PKHD1: variants seen among roughly 807,000 people sequenced by gnomAD.
The protein encoded by PKHD1 is PKHD1 ciliary IPT domain containing fibrocystin/polyductin, also known as fibrocystin.
A neutral mutation model predicts 412.0 loss-of-function variants in PKHD1; 291 were observed. The ratio of observed to expected loss-of-function variants is 0.71; its 90% CI spans 0.64 to 0.78. The LOEUF (loss-of-function observed/expected upper bound fraction) is 0.78, where lower values mean the gene tolerates loss of function less well. Among genes scored for constraint, PKHD1 ranks in the 30% least tolerant of loss-of-function variants. The pLI is 0.00. For missense variants in PKHD1, 4,825 were observed against 4,950.7 expected, an observed-to-expected ratio of 0.97 and a Z score of 0.76; for synonymous variants, 1,777 against 1,821.5, an observed-to-expected ratio of 0.98 and a Z score of 0.62.
chr6:52,084,519 T>A (rs1812478606), intron 2 of PKHD1, among the ~76,000 whole-genome samples: 2 of 152,142 alleles, frequency 1.3e-5, no homozygotes, highest in South Asian at 2.1e-4. Context: ...AAGAATTACA[T>A]CACATAGCCC....
At chr6:51,804,359 TG>T (rs147210503) in intron 52 of PKHD1, among the ~76,000 whole-genome samples, 1,044 of 31,720 alleles carry the variant, frequency 0.033, 39 homozygotes, top group African/African-American at 0.056. Flanking sequence ...ACTAATTCAT[TG>T]GGGGGGGGGG....
At chr6:51,941,718 C>T (rs1165347823) in intron 36 of PKHD1, among the ~76,000 whole-genome samples, 1 of 151,626 alleles carries the variant, frequency 6.6e-6, no homozygotes, top group Non-Finnish European at 1.5e-5. Flanking sequence ...CTCCTATCCT[C>T]AATACCTCCC....
intron 60 of PKHD1, among the ~76,000 whole-genome samples, chr6:51,680,054 C>T (rs1046004422): frequency 3.3e-5 from 5 of 151,832 alleles, no homozygotes; most frequent in Non-Finnish European, 2.9e-5. Flanking sequence ...AATAATGCTA[C>T]GGTATCAAGC....
At chr6:51,955,765 A>G (rs1033080369) in intron 36 of PKHD1, among the ~76,000 whole-genome samples, 1 of 152,096 alleles carries the variant, frequency 6.6e-6, no homozygotes, top group African/African-American at 2.4e-5. Context: ...CTGAGAAAGT[A>G]CTTCCATTAT....
chr6:51,700,525 C>T (rs531096876), intron 60 of PKHD1, among the ~76,000 whole-genome samples: 1 of 152,122 alleles, frequency 6.6e-6, no homozygotes, highest in Admixed American at 6.6e-5. Flanking sequence ...AAGATCATAC[C>T]TGCAGCTTCC....
chr6:51,953,750 T>C (rs1047235248), intron 36 of PKHD1, among the ~76,000 whole-genome samples: 2 of 152,046 alleles, frequency 1.3e-5, no homozygotes, highest in African/African-American at 4.8e-5. Flanking sequence ...TTCCATGACA[T>C]AGAAACCCCA....
chr6:51,869,720 T>C (rs1267185195), intron 47 of PKHD1, among the ~76,000 whole-genome samples: 1 of 152,130 alleles, frequency 6.6e-6, no homozygotes, highest in Non-Finnish European at 1.5e-5. Context: ...TTTCTATTAT[T>C]ATTTCTACAA....
chr6:51,624,011 T>C (rs1056105258), intron 66 of PKHD1, among the ~76,000 whole-genome samples: 7 of 152,210 alleles, frequency 4.6e-5, no homozygotes, highest in African/African-American at 1.7e-4. Flanking sequence ...TTGTTAATTA[T>C]GATATTGGAT....
chr6:51,695,513 A>G (rs1452961128), intron 60 of PKHD1, among the ~76,000 whole-genome samples: 1 of 152,168 alleles, frequency 6.6e-6, no homozygotes, highest in East Asian at 1.9e-4. Context: ...TTAAGTCCAT[A>G]GTTTATTAAA....
At chr6:51,735,423 T>G (rs1683619386) in intron 60 of PKHD1, among the ~76,000 whole-genome samples, 1 of 152,226 alleles carries the variant, frequency 6.6e-6, no homozygotes, top group African/African-American at 2.4e-5. Flanking sequence ...GCACATGGAA[T>G]GCACTAGATA....
chr6:51,918,402 T>C (rs1302930736), intron 37 of PKHD1, among the ~76,000 whole-genome samples: 1 of 151,918 alleles, frequency 6.6e-6, no homozygotes, highest in Non-Finnish European at 1.5e-5. Flanking sequence ...CCTGTGTCCA[T>C]GTGTTGTCAT....
intron 60 of PKHD1, among the ~76,000 whole-genome samples, chr6:51,725,544 A>G (rs778647993): frequency 9.2e-5 from 14 of 152,228 alleles, no homozygotes; most frequent in Non-Finnish European, 2.1e-4. Flanking sequence ...TATGGGAGCA[A>G]GAAAGTCCAA....
In PKHD1 at chr6:52,082,514, G is replaced by A; in HGVS notation, c.159C>T (p.Asn53=). The change falls in exon 4 of 67, where the codon AAC becomes AAT. Residue 53 remains asparagine (N), a synonymous_variant. Transcript: ENST00000371117. Reference sequence around the variant, plus strand: ...GGTGTATCTCCAATTGAGAGCCATTGTTGGGGTAAAGAACACCCAACTCCA... The same window carrying A: ...GGTGTATCTCCAATTGAGAGCCATTATTGGGGTAAAGAACACCCAACTCCA... ...DGLELGVLYP[N]NGSQLEIHLV... is the part of the protein sequence containing the mutation. The A allele has an allele frequency of 6.2e-7, 1 of 1,614,126 alleles. No homozygotes were observed. The highest frequency in any genetic ancestry group is 1.1e-5 in the South Asian group (1 of 91,084).
At chr6:51,979,408 G>A (rs997831386) in intron 35 of PKHD1, among the ~76,000 whole-genome samples, 2 of 152,018 alleles carry the variant, frequency 1.3e-5, no homozygotes, top group African/African-American at 4.8e-5. Flanking sequence ...TTAAATGGAC[G>A]ACCATTGATT....
intron 60 of PKHD1, chr6:51,740,052 G>A (rs755407539): frequency 1.9e-6 from 1 of 518,314 alleles, no homozygotes; most frequent in South Asian, 1.4e-5. Context: ...ATCATCAGAT[G>A]CCTCCATAAT....
chr6:52,006,371 G>GTTGTTGTTTGT (rs1554189208), intron 35 of PKHD1, among the ~76,000 whole-genome samples: 141 of 148,690 alleles, frequency 9.5e-4, no homozygotes, highest in African/African-American at 3.4e-3. Flanking sequence ...TGTTGTTGTT[G>GTTGTTGTTTGT]TTGTTTGTTT....
In PKHD1 at chr6:52,048,526, G is replaced by C; in HGVS notation, c.2373C>G (p.His791Gln). ...CTGTATTAGGAAGCTGGATGCGAAAGTGTCCTCCTAGAGGTGGACTTGTCC... is the reference window on the plus strand; with the variant it reads ...CTGTATTAGGAAGCTGGATGCGAAACTGTCCTCCTAGAGGTGGACTTGTCC... Reference protein sequence around the residue: ...RQRTSPPLGGHFRIQLPNTVI... With the variant: ...RQRTSPPLGGQFRIQLPNTVI... Residue 791 changes from histidine (H) to glutamine (Q), a missense_variant, in exon 23 of 67, where the codon CAC becomes CAG. Coordinates refer to ENST00000371117, the MANE Select transcript of PKHD1 (RefSeq NM_138694.4). 6.2e-7 allele frequency: 1 copy of C among 1,614,030 alleles called. No homozygotes were observed. The highest frequency in any genetic ancestry group is 1.3e-5 in the African/African-American group (1 of 75,056).
chr6:51,856,050 G>T lies in PKHD1; in HGVS notation c.7754C>A (p.Ser2585Tyr). The change falls in exon 49 of 67, where the codon TCT becomes TAT. Residue 2585 changes from serine (S) to tyrosine (Y), a missense_variant. Ser to Tyr is a moderately radical substitution (Grantham distance 144, BLOSUM62 -2). Transcript: ENST00000371117. ...GCTGTCAGTCATGGTTAAATCATAA[G>T]AAACTTCAGGAGTATTCGCTCTAAG... is the stretch of plus-strand genomic sequence containing the variant. ...SIGLANTPEVSYDLTMTDSRN... is the reference protein window; with the variant it reads ...SIGLANTPEVYYDLTMTDSRN... The T allele has an allele frequency of 6.2e-7, 1 of 1,602,160 alleles. No homozygotes were observed. Among genetic ancestry groups the T allele is most frequent in the South Asian group, 1.1e-5 (1 of 90,646 alleles).
intron 50 of PKHD1, among the ~76,000 whole-genome samples, chr6:51,839,757 C>T (rs1256562054): frequency 6.6e-6 from 1 of 152,016 alleles, no homozygotes; most frequent in Non-Finnish European, 1.5e-5. Context: ...GACTCCTTCC[C>T]TATTTCACTC....
Sources: allele counts gnomAD v4.1 joint callset (sites outside exome capture counted in the v4.1 genomes callset), GRCh38; gene constraint gnomAD v4.1.1; transcripts MANE v1.5; gene names NCBI Gene and HGNC (gene_info 2026-07-23, HGNC 2026-07-21).